CCDC3: variants seen among roughly 807,000 people sequenced by gnomAD.
The protein encoded by CCDC3 is coiled-coil domain containing 3, also known as coiled-coil domain-containing protein 3.
CCDC3 carries 24 observed loss-of-function variants against 21.4 expected under a neutral mutation model. That is an observed-to-expected ratio of 1.12 (90% CI 0.81 to 1.58). The LOEUF (loss-of-function observed/expected upper bound fraction) is 1.58. Among genes scored for constraint, CCDC3 ranks in the 40% most tolerant of loss-of-function variants. The probability of loss-of-function intolerance (pLI) is 0.00; values close to 1 mark genes in which losing one functional copy is unlikely to be tolerated. For missense variants in CCDC3, 425 were observed against 360.9 expected, an observed-to-expected ratio of 1.18 and a Z score of -1.44; for synonymous variants, 186 against 166.0, an observed-to-expected ratio of 1.12 and a Z score of -0.93.
rs893983830 is a variant in CCDC3 at position 13,083,113 on chromosome 10, G to A, written c.-502-9013C>T. Reference sequence around the variant, plus strand: ...TCCTTGGAGACTTAACAAGCAGTGAGTTCAGGCACTTCCAAGAGCTGACCC... The same window carrying A: ...TCCTTGGAGACTTAACAAGCAGTGAATTCAGGCACTTCCAAGAGCTGACCC... On this transcript the variant is annotated intron_variant, in intron 3 of 6. Coordinates refer to the CCDC3 transcript ENST00000378839. Among the ~76,000 whole-genome samples the A allele has an allele frequency of 7.9e-5, 12 of 152,154 alleles. No individual in the cohort carries two copies. In the South Asian group the frequency reaches 1.5e-3, roughly 18 times the overall value.
Position 12,928,738 on chromosome 10 carries a change from T to A in CCDC3, c.550-30059A>T, listed in dbSNP as rs549222577. Among the ~76,000 whole-genome samples the A allele has an allele frequency of 1.6e-4, 25 of 152,312 alleles. No homozygotes were observed. The South Asian group carries it at 5.2e-3, about 32-fold the overall frequency. On this transcript the variant is annotated intron_variant, in intron 2 of 2. Coordinates refer to ENST00000378825, the MANE Select transcript of CCDC3 (RefSeq NM_031455.4). ...GCCCCTGGTGGGGTAGGGTGGAGTG[T>A]GAAGTATCTGTTCTTGGACCACAGT...
chr10:12,951,213 A>T (rs1446101245), intron 2 of CCDC3, among the ~76,000 whole-genome samples: 2 of 151,866 alleles, frequency 1.3e-5, no homozygotes, highest in Non-Finnish European at 1.5e-5. Flanking sequence ...CTCTACAAAA[A>T]TAATTTTTTT....
intron 2 of CCDC3, among the ~76,000 whole-genome samples, chr10:12,983,128 G>GTATATATATCTA (rs775314375): frequency 8.5e-6 from 1 of 117,880 alleles, no homozygotes; most frequent in Non-Finnish European, 1.7e-5. Flanking sequence ...AAATAAAATA[G>GTATATATATCTA]TGTATATATA....
chr10:12,947,494 C>T (rs1834932960), intron 2 of CCDC3, among the ~76,000 whole-genome samples: 1 of 152,182 alleles, frequency 6.6e-6, no homozygotes, highest in Non-Finnish European at 1.5e-5. Flanking sequence ...CACCATGTGC[C>T]AGAGTGTTGG....
intron 2 of CCDC3, among the ~76,000 whole-genome samples, chr10:12,979,284 A>G (rs1162325870): frequency 6.6e-6 from 1 of 152,122 alleles, no homozygotes; most frequent in African/African-American, 2.4e-5. Flanking sequence ...TGAAAGATGT[A>G]GATTTACTGA....
intron 2 of CCDC3, among the ~76,000 whole-genome samples, chr10:12,970,887 CA>C (rs34307162): frequency 0.53 from 71,251 of 134,520 alleles, 17,476 homozygotes; most frequent in African/African-American, 0.65. Context: ...AAGACTGTCT[CA>C]AAAAAAAAAA....
chr10:13,090,984 A>G (rs2131454733), intron 3 of CCDC3, among the ~76,000 whole-genome samples: 1 of 152,314 alleles, frequency 6.6e-6, no homozygotes, highest in Non-Finnish European at 1.5e-5. Flanking sequence ...AAACCACTGC[A>G]GTAAGTCCTA....
chr10:13,000,755 T>C (rs751013669), intron 1 of CCDC3, among the ~76,000 whole-genome samples: 8 of 152,142 alleles, frequency 5.3e-5, no homozygotes, highest in South Asian at 2.1e-4. Context: ...GGTGAGGCTA[T>C]GGAAGTTCTT....
chr10:12,967,458 G>T (rs1457044234), intron 2 of CCDC3, among the ~76,000 whole-genome samples: 1 of 151,866 alleles, frequency 6.6e-6, no homozygotes, highest in Non-Finnish European at 1.5e-5. Context: ...ATCAACATTA[G>T]AAATTTAATA....
chr10:13,070,545 C>T (rs570808425), intron 4 of CCDC3, among the ~76,000 whole-genome samples: 61 of 152,224 alleles, frequency 4.0e-4, no homozygotes, highest in African/African-American at 1.3e-3. Flanking sequence ...TCCTAACCTG[C>T]GGTAGGTAAA....
intron 5 of CCDC3, among the ~76,000 whole-genome samples, chr10:13,010,858 C>T (rs1310361030): frequency 1.3e-5 from 2 of 152,178 alleles, no homozygotes; most frequent in Non-Finnish European, 2.9e-5. Flanking sequence ...TCTACCAATT[C>T]ATTTGCTCTC....
intron 2 of CCDC3, among the ~76,000 whole-genome samples, chr10:12,920,009 T>C (rs1834423378): frequency 6.6e-6 from 1 of 152,092 alleles, no homozygotes; most frequent in Non-Finnish European, 1.5e-5. Context: ...CAGCAGAAGG[T>C]TGTGTCCCAT....
At chr10:12,913,904 G>A (rs1834308268) in intron 2 of CCDC3, among the ~76,000 whole-genome samples, 1 of 152,062 alleles carries the variant, frequency 6.6e-6, no homozygotes, top group African/African-American at 2.4e-5. Context: ...AGTGTATGTT[G>A]AACCATGCTT....
At chr10:12,987,779 C>A (rs1253583956) in intron 2 of CCDC3, among the ~76,000 whole-genome samples, 1 of 152,184 alleles carries the variant, frequency 6.6e-6, no homozygotes. Context: ...GAGCAAATGT[C>A]TTAAAAAGTA....
chr10:12,988,032 G>T (rs963958064), intron 2 of CCDC3, among the ~76,000 whole-genome samples: 1 of 152,064 alleles, frequency 6.6e-6, no homozygotes, highest in South Asian at 2.1e-4. Context: ...GGCTCATCAC[G>T]TCTCACCACG....
chr10:13,078,573 C>T (rs1052036786), intron 3 of CCDC3, among the ~76,000 whole-genome samples: 10 of 152,210 alleles, frequency 6.6e-5, no homozygotes, highest in South Asian at 4.2e-4. Context: ...ATGTTTATTG[C>T]GGCACTATTC....
At chr10:12,938,336 T>C (rs1403026056) in intron 2 of CCDC3, among the ~76,000 whole-genome samples, 2 of 143,366 alleles carry the variant, frequency 1.4e-5, no homozygotes, top group Non-Finnish European at 3.1e-5. Flanking sequence ...CTCTTGTCAT[T>C]GTAGCAATGA....
At chr10:12,916,277 C>T (rs1834354314) in intron 2 of CCDC3, among the ~76,000 whole-genome samples, 1 of 152,034 alleles carries the variant, frequency 6.6e-6, no homozygotes, top group Admixed American at 6.5e-5. Flanking sequence ...ACTACAAATA[C>T]AAAAATTAGC....
chr10:12,898,534 C>G lies in CCDC3; in HGVS notation c.695G>C (p.Arg232Pro), dbSNP rs372671923. 2.5e-6 allele frequency: 4 copies of G among 1,614,074 alleles called. No homozygotes were observed. Among genetic ancestry groups the G allele is most frequent in the Admixed American group, 3.3e-5 (2 of 60,006 alleles). Residue 232 changes from arginine to proline, a missense_variant, in exon 3 of 3, where the codon CGT becomes CCT. Physicochemically the swap from Arg to Pro is moderately radical, Grantham distance 103. Coordinates refer to ENST00000378825, the MANE Select transcript of CCDC3 (RefSeq NM_031455.4). ...CAGCTCCAGGTGGCGGCCCTTCTTA[C>G]GCGCCTGCCGCAAGGACCTCTTGAC... ...KKVKRSLRQA[R>P]KKGRHLELAN...
Sources: gnomAD v4.1 joint callset for allele counts (sites outside exome capture counted in the v4.1 genomes callset) on GRCh38, gnomAD v4.1.1 for gene constraint, MANE v1.5 for transcripts, NCBI Gene and HGNC (gene_info 2026-07-23, HGNC 2026-07-21) for gene names.